The following PLAT variants were observed in gnomAD, a reference collection of about 807,000 sequenced individuals.
PLAT encodes the protein plasminogen activator, tissue type.
PLAT carries 48 observed loss-of-function variants against 74.9 expected under a neutral mutation model. That is an observed-to-expected ratio of 0.64 (90% CI 0.51 to 0.82). PLAT has a LOEUF of 0.82. Ranked by LOEUF, PLAT falls within the 40% of genes least tolerant of loss-of-function variation. The pLI, the probability that PLAT is intolerant of heterozygous loss-of-function variation, is 0.00. For missense variants in PLAT, 673 were observed against 736.2 expected (o/e 0.91, Z 0.99); for synonymous variants, 307 against 294.4 (o/e 1.04, Z -0.44).
At position 42,175,920 on chromosome 8, in the gene PLAT, T is replaced by G; in HGVS notation, c.*73A>C. The G allele has an allele frequency of 6.8e-7, 1 of 1,481,194 alleles. No individual in the cohort carries two copies. The highest frequency in any genetic ancestry group is 1.2e-5 in the South Asian group (1 of 82,856). 91.8% of individuals were successfully genotyped at this position (1,481,194 alleles called of 1,614,324 possible). On this transcript the variant is annotated 3_prime_UTR_variant, in exon 14 of 14. Transcript: ENST00000220809. ...TCTGGAGAAGTCTGTAGAGAAGCAC[T>G]GCGCCTTTGCAGTGTCTTCTGAAGA...
At chr8:42,184,868 T>C in intron 7 of PLAT, 1 of 426,234 alleles carries the variant, frequency 2.3e-6, no homozygotes, top group Non-Finnish European at 4.2e-6. Flanking sequence ...AGGGTCAGAG[T>C]GTGAGGAGAT....
chr8:42,180,632 G>A lies in PLAT; in HGVS notation c.943C>T (p.Leu315Phe). The A allele has an allele frequency of 1.2e-6, 2 of 1,609,724 alleles. No homozygotes were observed. Among genetic ancestry groups the A allele is most frequent in the East Asian group, 2.2e-5 (1 of 44,846 alleles). The change falls in exon 10 of 14, where the codon CTC becomes TTC. Residue 315 changes from leucine (L) to phenylalanine (F), a missense_variant. Leu to Phe is a conservative substitution (Grantham distance 22). Transcript: ENST00000220809. The part of the protein sequence containing the change: ...SQPQFRIKGG[L>F]FADIASHPWQ... ...GGGTGGGAGGCGATGTCGGCGAAGA[G>A]CCCTCCTTTGATGCGAAACTGAGGC...
At chr8:42,193,895 T>C (rs1304106991) in intron 1 of PLAT, among the ~76,000 whole-genome samples, 1 of 151,964 alleles carries the variant, frequency 6.6e-6, no homozygotes, top group Admixed American at 6.6e-5. Context: ...TTTGTATTTT[T>C]AGTAGAGACG....
At chr8:42,197,021 A>G (rs545187369) in intron 1 of PLAT, among the ~76,000 whole-genome samples, 1 of 152,326 alleles carries the variant, frequency 6.6e-6, no homozygotes, top group Admixed American at 6.5e-5. Flanking sequence ...CAAGACCCCA[A>G]GGCCTAGCCC....
chr8:42,206,002 A>G (rs1484915852), intron 1 of PLAT, among the ~76,000 whole-genome samples: 2 of 152,234 alleles, frequency 1.3e-5, no homozygotes, highest in Admixed American at 6.5e-5. Context: ...CAGTGAACTC[A>G]AAAACCAACA....
chr8:42,188,824 A>G (rs1475885247), intron 4 of PLAT, 110 bp downstream of exon 4: 2 of 859,882 alleles, frequency 2.3e-6, no homozygotes, highest in Non-Finnish European at 3.7e-6. Flanking sequence ...GGGACTTGCT[A>G]TGTTTGCCCA....
chr8:42,176,821 T>C (rs1450024011), intron 13 of PLAT, among the ~76,000 whole-genome samples: 2 of 152,216 alleles, frequency 1.3e-5, no homozygotes, highest in Admixed American at 6.5e-5. Context: ...ATAAATACCA[T>C]GTTTGTTTTT....
intron 6 of PLAT, chr8:42,186,352 G>A (rs1805457968): frequency 6.6e-6 from 1 of 152,060 alleles, no homozygotes; most frequent in African/African-American, 2.4e-5. Context: ...TATTTTTTAT[G>A]TAAAAATGCA....
intron 2 of PLAT, 54 bp downstream of exon 2, chr8:42,193,060 C>T: frequency 1.6e-6 from 2 of 1,275,286 alleles, no homozygotes; most frequent in East Asian, 2.3e-5. Context: ...CCCCTGGAGC[C>T]TCCGGAAGCA....
At position 42,193,103 on chromosome 8, in the gene PLAT, T is replaced by C; in HGVS notation, c.72+11A>G. On this transcript the variant is annotated intron_variant, in intron 2 of 13. Transcript: ENST00000220809. ...CTTGAGGGGCGGGACACAGGGATCC[T>C]GCACACCAACCTGGCTGGGCGAAAC... 6.2e-7 allele frequency: 1 copy of C among 1,602,776 alleles called. No individual in the cohort carries two copies. The highest frequency in any genetic ancestry group is 1.1e-5 in the South Asian group (1 of 90,890).
At chr8:42,200,260 T>C (rs1304305401) in intron 1 of PLAT, among the ~76,000 whole-genome samples, 1 of 152,168 alleles carries the variant, frequency 6.6e-6, no homozygotes, top group East Asian at 1.9e-4. Flanking sequence ...TGTAAGGGGC[T>C]GAGAGCAGTG....
chr8:42,192,376 A>G lies in PLAT; in HGVS notation c.72+738T>C, dbSNP rs564033282. On this transcript the variant is annotated intron_variant, in intron 2 of 13. Transcript: ENST00000220809. ...CCATATCTGTGGATTCAACCAAAACAGAAAAATAAAAAATAATAATATAAG... is the reference window on the plus strand; with the variant it reads ...CCATATCTGTGGATTCAACCAAAACGGAAAAATAAAAAATAATAATATAAG... Among the ~76,000 whole-genome samples the G allele has an allele frequency of 3.0e-4, 45 of 152,180 alleles. No homozygotes were observed. In the East Asian group the frequency reaches 7.0e-3, roughly 24 times the overall value.
Position 42,182,506 on chromosome 8 carries a change from C to A in PLAT, c.803+213G>T. On this transcript the variant is annotated intron_variant, in intron 8 of 13. Transcript: ENST00000220809. ...GACTAAATGGTTACAGGCCAGGACC[C>A]TTAACTTGGGATTTAGGTTGGAAAA... 4 of 467,922 alleles carry A rather than the reference C, an allele frequency of 8.5e-6. 1 individual carries two copies. The highest frequency in any genetic ancestry group is 6.5e-5 in the South Asian group (2 of 30,652). 29.0% of individuals were successfully genotyped at this position (467,922 alleles called of 1,614,324 possible). A position where few individuals can be genotyped will look rare whatever the true frequency, so the allele number is the denominator to read the frequency against.
chr8:42,182,735 T>C lies in PLAT; in HGVS notation c.787A>G (p.Lys263Glu). Residue 263 changes from lysine (K) to glutamate (E), a missense_variant, in exon 8 of 14, where the codon AAA (lysine) becomes GAA (glutamate). Coordinates refer to ENST00000220809, the MANE Select transcript of PLAT (RefSeq NM_000930.5). Reference sequence around the variant, plus strand: ...GCTACCTACCGGCAGTAATTATGTTTGCCCAGGCCCAGTGCCTGGGCACTG... The same window carrying C: ...GCTACCTACCGGCAGTAATTATGTTCGCCCAGGCCCAGTGCCTGGGCACTG... ...NPSAQALGLG[K>E]HNYCRNPDGD... 3 of 1,601,984 alleles carry C rather than the reference T, an allele frequency of 1.9e-6. No individual in the cohort carries two copies. Among genetic ancestry groups the C allele is most frequent in the Non-Finnish European group, 2.6e-6 (3 of 1,173,384 alleles).
rs770320667 is a variant in PLAT at position 42,180,326 on chromosome 8, G to T, written c.1138C>A (p.Pro380Thr). 1.2e-6 allele frequency: 2 copies of T among 1,614,084 alleles called. No homozygotes were observed. Among genetic ancestry groups the T allele is most frequent in the African/African-American group, 2.7e-5 (2 of 74,942 alleles). ...TCAAATTTCTGCTCCTCCTCGCCAG[G>T]GACCACCCGGTATGTTCTGCCCAAG... is the stretch of plus-strand genomic sequence containing the variant. ...VILGRTYRVV[P>T]GEEEQKFEVE... The change falls in exon 11 of 14, where the codon CCT (proline) becomes ACT (threonine). Residue 380 changes from proline (P) to threonine (T), a missense_variant. Coordinates refer to ENST00000220809, the MANE Select transcript of PLAT (RefSeq NM_000930.5).
At chr8:42,206,083 A>G (rs1214403395) in intron 1 of PLAT, among the ~76,000 whole-genome samples, 2 of 152,186 alleles carry the variant, frequency 1.3e-5, no homozygotes, top group African/African-American at 4.8e-5. Context: ...AAGCAGGGGG[A>G]GCCGCAGACA....
intron 1 of PLAT, among the ~76,000 whole-genome samples, chr8:42,194,933 C>T (rs539980972): frequency 6.6e-6 from 1 of 152,158 alleles, no homozygotes. Context: ...ACCCCAGAGC[C>T]CCAGTTTCCA....
intron 1 of PLAT, among the ~76,000 whole-genome samples, chr8:42,207,276 G>C (rs762718529): frequency 6.6e-6 from 1 of 151,996 alleles, no homozygotes; most frequent in East Asian, 1.9e-4. Context: ...CCCTTTCCCC[G>C]ACTGCCTCTC....
chr8:42,205,586 C>G (rs1341326992), intron 1 of PLAT, among the ~76,000 whole-genome samples: 7 of 152,216 alleles, frequency 4.6e-5, no homozygotes, highest in Admixed American at 2.0e-4. Context: ...CTCTGCCCCC[C>G]TCTCATATGT....
Sources: gnomAD v4.1 joint callset for allele counts (sites outside exome capture counted in the v4.1 genomes callset) on GRCh38, gnomAD v4.1.1 for gene constraint, MANE v1.5 for transcripts, NCBI Gene and HGNC (gene_info 2026-07-23, HGNC 2026-07-21) for gene names.